ADAMTS2: variants seen among roughly 807,000 people sequenced by gnomAD.
The protein encoded by ADAMTS2 is ADAM metallopeptidase with thrombospondin type 1 motif 2, also known as A disintegrin and metalloproteinase with thrombospondin motifs 2.
In ADAMTS2, 50 loss-of-function variants were observed where a neutral mutation model predicts 123.0. The ratio of observed to expected loss-of-function variants is 0.41; its 90% CI spans 0.32 to 0.51. The LOEUF (loss-of-function observed/expected upper bound fraction) is 0.51. Among genes scored for constraint, ADAMTS2 ranks in the 20% least tolerant of loss-of-function variants. The probability of loss-of-function intolerance (pLI) is 0.35; values close to 1 mark genes in which losing one functional copy is unlikely to be tolerated. For missense variants in ADAMTS2, 1,494 were observed against 1,705.2 expected (o/e 0.88, Z 2.18); for synonymous variants, 678 against 695.4 (o/e 0.98, Z 0.39).
chr5:179,169,294 C>T lies in ADAMTS2; in HGVS notation c.976-10415G>A, dbSNP rs937843786. Among the ~76,000 whole-genome samples, 27 of 152,320 alleles carry T rather than the reference C, an allele frequency of 1.8e-4. 1 individual carries two copies. Among genetic ancestry groups the T allele is most frequent in the Middle Eastern group, 6.8e-3 (2 of 294 alleles). On this transcript the variant is annotated intron_variant, in intron 5 of 21. Coordinates refer to ENST00000251582, the MANE Select transcript of ADAMTS2 (RefSeq NM_014244.5). ...GCCCTCTAGGAGGAATGGGTCCTTA[C>T]GACACATCAGTTCTGCTGGCGTCCT...
In ADAMTS2 at chr5:179,181,912, A is replaced by G. The variant is rs1195300936; in HGVS notation, c.892-757T>C. Among the ~76,000 whole-genome samples, 1 of 152,078 alleles carries G rather than the reference A, an allele frequency of 6.6e-6. No homozygotes were observed. Among genetic ancestry groups the G allele is most frequent in the Non-Finnish European group, 1.5e-5 (1 of 68,012 alleles). On this transcript the variant is annotated intron_variant, in intron 4 of 21. Coordinates refer to ENST00000251582, the MANE Select transcript of ADAMTS2 (RefSeq NM_014244.5). The surrounding 1 kb of genome is among the most constrained non-coding windows in gnomAD (Gnocchi z 4.1). ...AACACAGCCAGCAAGACCCTCCAGA[A>G]ACATAGGTCAGGTTATCCCGGGCTC...
At chr5:179,150,482 C>T (rs556754905) in intron 10 of ADAMTS2, among the ~76,000 whole-genome samples, 1 of 152,336 alleles carries the variant, frequency 6.6e-6, no homozygotes, top group East Asian at 1.9e-4. Flanking sequence ...ATGTTCACAG[C>T]GGCGTGACTC....
chr5:179,258,385 T>C (rs340119), intron 3 of ADAMTS2, among the ~76,000 whole-genome samples: 136,764 of 152,138 alleles, frequency 0.9, 63,236 homozygotes, highest in East Asian at 1. Context: ...TAGTCCTTTT[T>C]GCCCTGCTGG....
chr5:179,231,030 G>A (rs1765401584), intron 3 of ADAMTS2, among the ~76,000 whole-genome samples: 1 of 151,910 alleles, frequency 6.6e-6, no homozygotes, highest in African/African-American at 2.4e-5. Context: ...AAGCCGGGGG[G>A]GCTACCAAAA....
At chr5:179,150,664 G>T (rs2113242624) in intron 10 of ADAMTS2, among the ~76,000 whole-genome samples, 1 of 152,314 alleles carries the variant, frequency 6.6e-6, no homozygotes, top group Admixed American at 6.5e-5. Flanking sequence ...AAGTGAGTCA[G>T]ACACAAAAGG....
chr5:179,122,799 G>A, intron 19 of ADAMTS2, 26 bp from the exon 20 acceptor site: 2 of 1,552,240 alleles, frequency 1.3e-6, no homozygotes, highest in Non-Finnish European at 1.7e-6. Context: ...CGCCAGGCAG[G>A]GTTCACCTCC....
Position 179,152,165 on chromosome 5 carries a change from CGTCCAAGGGGG to C in ADAMTS2, c.1595_1605del (p.Pro532ArgfsTer12), listed in dbSNP as rs1473798752. 6.2e-7 allele frequency: 1 copy of C among 1,613,828 alleles called. No homozygotes were observed. The highest frequency in any genetic ancestry group is 8.5e-7 in the Non-Finnish European group (1 of 1,179,890). On this transcript the variant is annotated frameshift_variant, in exon 10 of 22. Transcript: ENST00000251582. LOFTEE classifies it high-confidence loss of function. ...ACCTTGCCAGGTGCACACATAGTCCCGTCCAAGGGGGGCCCCTTCTTGGTCTTGCAAAAGTA... is the reference window on the plus strand; with the variant it reads ...ACCTTGCCAGGTGCACACATAGTCCCGCCCCTTCTTGGTCTTGCAAAAGTA...
chr5:179,218,975 C>T (rs889317854), intron 3 of ADAMTS2, among the ~76,000 whole-genome samples: 8 of 152,174 alleles, frequency 5.3e-5, no homozygotes, highest in Admixed American at 2.0e-4. Context: ...TTGCACAGCA[C>T]GGTGGCCTGC....
chr5:179,257,584 G>T (rs1437770391), intron 3 of ADAMTS2, among the ~76,000 whole-genome samples: 1 of 152,234 alleles, frequency 6.6e-6, no homozygotes, highest in Non-Finnish European at 1.5e-5. Context: ...CCGCTGATGC[G>T]CTACAGATGG....
intron 19 of ADAMTS2, 40 bp from the exon 20 acceptor site, chr5:179,122,813 A>G (rs2113182058): frequency 1.9e-6 from 3 of 1,550,958 alleles, no homozygotes; most frequent in Non-Finnish European, 2.6e-6. Context: ...CACCTCCCAC[A>G]CAGGGCCCGC....
intron 2 of ADAMTS2, among the ~76,000 whole-genome samples, chr5:179,275,535 G>C (rs981296937): frequency 3.9e-5 from 6 of 152,152 alleles, no homozygotes; most frequent in African/African-American, 1.4e-4. Context: ...TGCAGTCCTT[G>C]CCCACTTCCT....
In ADAMTS2 at chr5:179,189,862, G is replaced by A. The variant is rs976723097; in HGVS notation, c.892-8707C>T. ...AAAGTATCTTCTCAAGGGTGGGGAG[G>A]GTGTATCATACAAAGTAGATTCACA... On this transcript the variant is annotated intron_variant, in intron 4 of 21. Transcript: ENST00000251582. The surrounding 1 kb of genome is among the most constrained non-coding windows in gnomAD (Gnocchi z 4.2). 2.6e-5 allele frequency among the ~76,000 whole-genome samples: 4 copies of A among 151,700 alleles called. No homozygotes were observed. The highest frequency in any genetic ancestry group is 9.7e-5 in the African/African-American group (4 of 41,238).
At chr5:179,140,203 C>T (rs1160348557) in intron 10 of ADAMTS2, among the ~76,000 whole-genome samples, 168 bp from the exon 11 acceptor site, 1 of 152,172 alleles carries the variant, frequency 6.6e-6, no homozygotes, top group Non-Finnish European at 1.5e-5. Context: ...GAAGACAGGC[C>T]TCATTGGCCA....
At chr5:179,121,515 C>T (rs548368741) in intron 21 of ADAMTS2, 146 bp downstream of exon 21, 8 of 583,840 alleles carry the variant, frequency 1.4e-5, no homozygotes, top group African/African-American at 1.1e-4. Flanking sequence ...AGCTCAGAGG[C>T]CCGGGAGAAA....
intron 5 of ADAMTS2, among the ~76,000 whole-genome samples, chr5:179,178,814 G>A (rs1319834555): frequency 2.6e-5 from 4 of 152,206 alleles, no homozygotes; most frequent in African/African-American, 9.6e-5. Context: ...CAGGGCTAAT[G>A]TGTGTCGAAC....
intron 3 of ADAMTS2, among the ~76,000 whole-genome samples, chr5:179,210,651 C>T (rs1477257817): frequency 6.6e-6 from 1 of 152,222 alleles, no homozygotes; most frequent in Non-Finnish European, 1.5e-5. Flanking sequence ...CGTCTGGCCC[C>T]TGGAAGCCTC....
chr5:179,174,069 T>C (rs1763885139), intron 5 of ADAMTS2, among the ~76,000 whole-genome samples: 1 of 151,760 alleles, frequency 6.6e-6, no homozygotes, highest in Non-Finnish European at 1.5e-5. Context: ...GTGATAAATA[T>C]TGCTACATTT....
chr5:179,158,051 G>A lies in ADAMTS2; in HGVS notation c.1132+672C>T, dbSNP rs530826453. On this transcript the variant is annotated intron_variant, in intron 6 of 21. Transcript: ENST00000251582. The surrounding 1 kb of genome is among the most constrained non-coding windows in gnomAD (Gnocchi z 5.0). ...GCGATCTCGACTCATTGCAAACTCC[G>A]CCTCCCGGGTTCACACCATTCTCCT... is the stretch of plus-strand genomic sequence containing the variant. Among the ~76,000 whole-genome samples the A allele has an allele frequency of 1.3e-3, 192 of 151,560 alleles. No homozygotes were observed. The highest frequency in any genetic ancestry group is 4.1e-3 in the African/African-American group (169 of 41,330).
At chr5:179,229,112 A>G (rs1765351998) in intron 3 of ADAMTS2, among the ~76,000 whole-genome samples, 1 of 152,214 alleles carries the variant, frequency 6.6e-6, no homozygotes, top group Non-Finnish European at 1.5e-5. Flanking sequence ...AGTGTCCACA[A>G]GTAAGACACA....
Sources: gnomAD v4.1 joint callset for allele counts (sites outside exome capture counted in the v4.1 genomes callset) on GRCh38, gnomAD v4.1.1 for gene constraint, Gnocchi (gnomAD v3.1) non-coding constraint, MANE v1.5 for transcripts, NCBI Gene and HGNC (gene_info 2026-07-23, HGNC 2026-07-21) for gene names.